PHACTR1: variants seen among roughly 807,000 people sequenced by gnomAD.
PHACTR1 encodes the protein RPEL repeat containing 1.
In PHACTR1, 16 loss-of-function variants were observed where a neutral mutation model predicts 69.2. The ratio of observed to expected loss-of-function variants is 0.23; its 90% CI spans 0.16 to 0.35. PHACTR1 has a LOEUF of 0.35. Among genes scored for constraint, PHACTR1 ranks in the 10% least tolerant of loss-of-function variants. The pLI is 1.00. For missense variants in PHACTR1, 510 were observed against 734.7 expected (o/e 0.69, Z 3.54); for synonymous variants, 312 against 284.5 (o/e 1.10, Z -0.97).
intron 5 of PHACTR1, among the ~76,000 whole-genome samples, chr6:13,129,051 C>G (rs1179926633): frequency 1.3e-5 from 2 of 152,108 alleles, no homozygotes; most frequent in Non-Finnish European, 2.9e-5. Flanking sequence ...TTCAGTGAAA[C>G]TAAGTTTCAT....
chr6:13,041,129 A>C (rs1454378971), intron 4 of PHACTR1, among the ~76,000 whole-genome samples: 2 of 152,198 alleles, frequency 1.3e-5, no homozygotes, highest in Non-Finnish European at 2.9e-5. Context: ...GAAGAATAAT[A>C]AAAAGTCCCC....
intron 6 of PHACTR1, among the ~76,000 whole-genome samples, chr6:13,165,294 C>T (rs1177909619): frequency 2.6e-5 from 4 of 151,968 alleles, no homozygotes; most frequent in African/African-American, 4.8e-5. Context: ...ATCTATAGTT[C>T]GACAGTTTAT....
intron 5 of PHACTR1, among the ~76,000 whole-genome samples, chr6:13,083,845 G>C (rs1470210099): frequency 6.6e-6 from 1 of 152,100 alleles, no homozygotes; most frequent in Admixed American, 6.6e-5. Context: ...GAGATTTTGG[G>C]CTGAGATGAT....
intron 4 of PHACTR1, among the ~76,000 whole-genome samples, chr6:12,998,617 AAAAAAAAAAAG>A (rs1337574369): frequency 2.0e-5 from 3 of 151,496 alleles, no homozygotes; most frequent in Non-Finnish European, 4.4e-5. Context: ...CCTGGTCAAA[AAAAAAAAAAAG>A]AAAAGAAAAA....
At chr6:12,871,668 G>C (rs1307630796) in intron 4 of PHACTR1, among the ~76,000 whole-genome samples, 2 of 151,928 alleles carry the variant, frequency 1.3e-5, no homozygotes, top group Admixed American at 6.6e-5. Context: ...ATTGCCCCCT[G>C]TTTGGTGATG....
intron 4 of PHACTR1, among the ~76,000 whole-genome samples, chr6:12,806,875 C>T (rs1305365569): frequency 6.6e-6 from 1 of 152,172 alleles, no homozygotes; most frequent in African/African-American, 2.4e-5. Context: ...CATATATTTT[C>T]AGAATTGTGA....
chr6:13,235,968 ATC>A (rs1455718739), intron 10 of PHACTR1, among the ~76,000 whole-genome samples: 1 of 152,250 alleles, frequency 6.6e-6, no homozygotes, highest in Non-Finnish European at 1.5e-5. Flanking sequence ...GGAGTTTATC[ATC>A]TAAAGTGAGC....
At chr6:12,905,047 T>C (rs1270459533) in intron 4 of PHACTR1, among the ~76,000 whole-genome samples, 1 of 152,170 alleles carries the variant, frequency 6.6e-6, no homozygotes, top group Non-Finnish European at 1.5e-5. Context: ...ACTAATTCCA[T>C]GTTTCTCAAC....
chr6:13,172,423 C>G (rs1350096691), intron 6 of PHACTR1, among the ~76,000 whole-genome samples: 1 of 152,142 alleles, frequency 6.6e-6, no homozygotes, highest in Non-Finnish European at 1.5e-5. Context: ...ACCCGGGAGA[C>G]AGGCACCACA....
At chr6:13,227,696 C>T in intron 8 of PHACTR1, 120 bp from the exon 9 acceptor site, 1 of 1,314,700 alleles carries the variant, frequency 7.6e-7, no homozygotes, top group Non-Finnish European at 1.0e-6. Flanking sequence ...TGGAACTTTA[C>T]TTGCCCAGTA....
chr6:12,960,727 T>G (rs1185153124), intron 4 of PHACTR1, among the ~76,000 whole-genome samples: 1 of 152,214 alleles, frequency 6.6e-6, no homozygotes, highest in East Asian at 1.9e-4. Flanking sequence ...TTTCTCATCC[T>G]GAATCTGATG....
chr6:12,856,726 C>T (rs1199025815), intron 4 of PHACTR1, among the ~76,000 whole-genome samples: 3 of 152,152 alleles, frequency 2.0e-5, no homozygotes, highest in Admixed American at 6.5e-5. Flanking sequence ...GTTCCCTGAT[C>T]GGCTGTTCAC....
chr6:12,725,817 T>A (rs760250927), intron 3 of PHACTR1, among the ~76,000 whole-genome samples: 8 of 152,222 alleles, frequency 5.3e-5, no homozygotes, highest in Non-Finnish European at 7.3e-5. Context: ...TAACATTTAT[T>A]AAATGTCTCT....
chr6:12,942,163 A>G (rs540098740), intron 4 of PHACTR1, among the ~76,000 whole-genome samples: 2 of 152,198 alleles, frequency 1.3e-5, no homozygotes, highest in Non-Finnish European at 2.9e-5. Context: ...GAATATTCCA[A>G]CAGACATGCA....
In PHACTR1 at chr6:13,230,184, A is replaced by G. The variant is rs1324149386; in HGVS notation, c.1382A>G (p.Lys461Arg). ...GAGCTGAGGCAACAGATTGGCACCAAGCTCACCAGGTAGGACAGCGGCACC... is the reference window on the plus strand; with the variant it reads ...GAGCTGAGGCAACAGATTGGCACCAGGCTCACCAGGTAGGACAGCGGCACC... Reference protein sequence around the residue: ...RLELRQQIGTKLTRRLSQRPT... With the variant: ...RLELRQQIGTRLTRRLSQRPT... Residue 461 changes from lysine (K) to arginine (R), a missense_variant, in exon 10 of 15, where the codon AAG becomes AGG. By Grantham distance (26) the Lys-to-Arg change is conservative. This residue lies in a region of PHACTR1 where 91 missense variants were observed against 203.8 expected (regional missense o/e 0.45). Transcript: ENST00000332995. 1.2e-6 allele frequency: 2 copies of G among 1,609,440 alleles called. No homozygotes were observed. Among genetic ancestry groups the G allele is most frequent in the East Asian group, 2.2e-5 (1 of 44,636 alleles).
chr6:12,872,902 A>T (rs1204389283), intron 4 of PHACTR1, among the ~76,000 whole-genome samples: 2 of 151,602 alleles, frequency 1.3e-5, no homozygotes, highest in Non-Finnish European at 2.9e-5. Context: ...CCTTACATCA[A>T]TTATTTCTTT....
intron 6 of PHACTR1, among the ~76,000 whole-genome samples, chr6:13,180,364 T>C (rs1042984358): frequency 6.6e-6 from 1 of 152,200 alleles, no homozygotes. Context: ...TTTTAATCTA[T>C]AGAGAGCCCA....
intron 4 of PHACTR1, among the ~76,000 whole-genome samples, chr6:12,976,589 C>G (rs1794908177): frequency 1.3e-5 from 2 of 152,156 alleles, no homozygotes; most frequent in African/African-American, 4.8e-5. Flanking sequence ...TCATCGTCAA[C>G]CATGATCTGA....
chr6:13,100,879 C>A (rs960999698), intron 5 of PHACTR1, among the ~76,000 whole-genome samples: 3 of 152,172 alleles, frequency 2.0e-5, no homozygotes, highest in African/African-American at 7.2e-5. Flanking sequence ...TTCCAGATTG[C>A]AATTTCAATG....
Sources: gnomAD v4.1 joint callset for allele counts (sites outside exome capture counted in the v4.1 genomes callset) on GRCh38, gnomAD v4.1.1 for gene constraint, gnomAD v4.1.1 regional missense constraint, MANE v1.5 for transcripts, NCBI Gene and HGNC (gene_info 2026-07-23, HGNC 2026-07-21) for gene names.